SUPT3H: variants seen among roughly 807,000 people sequenced by gnomAD.
The protein encoded by SUPT3H is transcription initiation protein SPT3 homolog.
SUPT3H carries 44 observed loss-of-function variants against 44.3 expected under a neutral mutation model. The observed-to-expected ratio is 0.99, with a 90% CI of 0.78 to 1.28. SUPT3H has a LOEUF of 1.28. Ranked by LOEUF, SUPT3H falls within the 50% of genes most tolerant of loss-of-function variation. SUPT3H has a pLI of 0.00. For synonymous variants in SUPT3H, 124 were observed against 125.6 expected (o/e 0.99, Z 0.09); for missense variants, 380 against 387.1 (o/e 0.98, Z 0.15).
chr6:45,217,363 T>A (rs774599148), intron 2 of SUPT3H, among the ~76,000 whole-genome samples: 36 of 149,734 alleles, frequency 2.4e-4, no homozygotes, highest in Non-Finnish European at 4.3e-4. Context: ...TAATCCCAGC[T>A]ACTCAGGAGG....
At chr6:45,150,781 G>A (rs927423644) in intron 2 of SUPT3H, among the ~76,000 whole-genome samples, 1 of 139,220 alleles carries the variant, frequency 7.2e-6, no homozygotes, top group African/African-American at 2.7e-5. Context: ...GGAGTGCAGT[G>A]GCACAATCTC....
rs145757380 is a variant in SUPT3H at position 45,189,711 on chromosome 6, T to G, written c.102-83705A>C. Among the ~76,000 whole-genome samples the G allele has an allele frequency of 2.1e-3, 325 of 152,306 alleles. 1 individual carries two copies. The highest frequency in any genetic ancestry group is 7.5e-3 in the African/African-American group (311 of 41,576). On this transcript the variant is annotated intron_variant, in intron 2 of 10. Transcript: ENST00000371459. ...CCAAAGAAAACAACACTCTTTCCAG[T>G]AAAATTTATTTGTGAAACAAACTAA...
At chr6:45,203,808 T>A (rs1008370185) in intron 2 of SUPT3H, among the ~76,000 whole-genome samples, 1 of 152,152 alleles carries the variant, frequency 6.6e-6, no homozygotes, top group Non-Finnish European at 1.5e-5. Context: ...GCAAGATCAA[T>A]TGTAACTTTT....
intron 6 of SUPT3H, among the ~76,000 whole-genome samples, chr6:44,991,824 C>T (rs1380263484): frequency 6.6e-6 from 1 of 152,016 alleles, no homozygotes. Flanking sequence ...CTGTTAATTC[C>T]ACTAAATAAA....
chr6:45,355,164 G>A (rs1392099119), intron 2 of SUPT3H, among the ~76,000 whole-genome samples: 2 of 148,810 alleles, frequency 1.3e-5, no homozygotes, highest in Non-Finnish European at 3.0e-5. Flanking sequence ...TAGAGATGGG[G>A]TACCACAGAC....
chr6:44,999,853 T>C (rs1176269768), intron 6 of SUPT3H, among the ~76,000 whole-genome samples: 2 of 152,022 alleles, frequency 1.3e-5, no homozygotes, highest in African/African-American at 4.8e-5. Flanking sequence ...ATTGCCTTTA[T>C]TCCATTTTAA....
At chr6:45,209,598 T>C (rs113665334) in intron 2 of SUPT3H, among the ~76,000 whole-genome samples, 40 of 152,332 alleles carry the variant, frequency 2.6e-4, no homozygotes, top group African/African-American at 8.4e-4. Flanking sequence ...TTGCTTCTTA[T>C]GGATGAGCAA....
At chr6:44,840,508 T>G (rs1770769083) in intron 10 of SUPT3H, among the ~76,000 whole-genome samples, 1 of 152,228 alleles carries the variant, frequency 6.6e-6, no homozygotes, top group African/African-American at 2.4e-5. Flanking sequence ...AATCAAAGTC[T>G]AAAATTTGTA....
At chr6:45,180,206 G>T (rs1482905570) in intron 2 of SUPT3H, among the ~76,000 whole-genome samples, 1 of 134,798 alleles carries the variant, frequency 7.4e-6, no homozygotes, top group South Asian at 2.5e-4. Flanking sequence ...CACTGCTCAA[G>T]GAAATAAAAG....
intron 2 of SUPT3H, among the ~76,000 whole-genome samples, chr6:45,204,049 A>G (rs982937010): frequency 2.6e-5 from 4 of 152,066 alleles, no homozygotes; most frequent in Non-Finnish European, 5.9e-5. Flanking sequence ...GGAGTTCAAG[A>G]CCAGCTGGCC....
chr6:45,285,847 C>T lies in SUPT3H; in HGVS notation c.101+79354G>A, dbSNP rs531026167. ...TCACACTACCTGACTTCAAACTATACTACAAGGTGACAGTAACCAAAACAG... is the reference window on the plus strand; with the variant it reads ...TCACACTACCTGACTTCAAACTATATTACAAGGTGACAGTAACCAAAACAG... On this transcript the variant is annotated intron_variant, in intron 2 of 10. Transcript: ENST00000371459. Among the ~76,000 whole-genome samples, 26 of 152,248 alleles carry T rather than the reference C, an allele frequency of 1.7e-4. No homozygotes were observed. The South Asian group carries it at 3.3e-3, about 19-fold the overall frequency.
chr6:45,348,214 G>C (rs1321578736), intron 2 of SUPT3H, among the ~76,000 whole-genome samples: 1 of 151,958 alleles, frequency 6.6e-6, no homozygotes, highest in African/African-American at 2.4e-5. Flanking sequence ...GCAGTTAAAA[G>C]TCTGACTCTG....
At chr6:44,895,355 C>A (rs1272877134) in intron 10 of SUPT3H, among the ~76,000 whole-genome samples, 1 of 149,410 alleles carries the variant, frequency 6.7e-6, no homozygotes, top group African/African-American at 2.5e-5. Context: ...CAGCTTCTTA[C>A]TGGGATTACA....
chr6:44,857,753 T>TAA (rs35425790), intron 10 of SUPT3H, among the ~76,000 whole-genome samples: 12,315 of 152,220 alleles, frequency 0.081, 763 homozygotes, highest in African/African-American at 0.17. Flanking sequence ...AATCCTTTGG[T>TAA]AAGCAACTCT....
chr6:45,113,463 T>C lies in SUPT3H; in HGVS notation c.102-7457A>G, dbSNP rs560711033. On this transcript the variant is annotated intron_variant, in intron 2 of 10. Coordinates refer to ENST00000371459, the MANE Select transcript of SUPT3H (RefSeq NM_003599.4). ...CAGCTCTTTCACAAATCTATGATTT[T>C]ACCCACCTGTTTTCAAAGGAAGAAA... is the stretch of plus-strand genomic sequence containing the variant. Among the ~76,000 whole-genome samples, 3 of 152,328 alleles carry C rather than the reference T, an allele frequency of 2.0e-5. No homozygotes were observed. The South Asian group carries it at 6.2e-4, about 32-fold the overall frequency.
At chr6:45,356,569 T>G (rs533592860) in intron 2 of SUPT3H, among the ~76,000 whole-genome samples, 4 of 151,692 alleles carry the variant, frequency 2.6e-5, no homozygotes, top group African/African-American at 9.7e-5. Flanking sequence ...GGCTAATGTT[T>G]ATTTTTTTTT....
intron 2 of SUPT3H, among the ~76,000 whole-genome samples, chr6:45,244,711 T>C (rs569420297): frequency 6.6e-6 from 1 of 151,826 alleles, no homozygotes; most frequent in South Asian, 2.1e-4. Flanking sequence ...CTCAGTAAAC[T>C]TCTATCTCTT....
intron 3 of SUPT3H, among the ~76,000 whole-genome samples, chr6:45,045,190 A>C (rs1205301906): frequency 1.3e-5 from 2 of 152,204 alleles, no homozygotes; most frequent in Non-Finnish European, 2.9e-5. Flanking sequence ...TTAGAATTTC[A>C]AGAAACCAGC....
intron 3 of SUPT3H, among the ~76,000 whole-genome samples, chr6:45,060,625 G>A (rs930533395): frequency 1.3e-5 from 2 of 152,094 alleles, no homozygotes; most frequent in African/African-American, 4.8e-5. Flanking sequence ...CTTCTGTACT[G>A]CAAAGGAAAC....
Sources: allele counts gnomAD v4.1 joint callset (sites outside exome capture counted in the v4.1 genomes callset), GRCh38; gene constraint gnomAD v4.1.1; transcripts MANE v1.5; gene names NCBI Gene and HGNC (gene_info 2026-07-23, HGNC 2026-07-21).